SRGAP3: variants seen among roughly 807,000 people sequenced by gnomAD.
The protein encoded by SRGAP3 is SLIT-ROBO Rho GTPase-activating protein 3.
Under a neutral mutation model 121.1 loss-of-function variants are expected in SRGAP3, and 39 were observed. The observed-to-expected ratio is 0.32, with a 90% confidence interval of 0.25 to 0.42. The LOEUF is 0.42. Among genes scored for constraint, SRGAP3 ranks in the 10% least tolerant of loss-of-function variants. SRGAP3 has a pLI of 1.00. For missense variants in SRGAP3, 1,213 were observed against 1,470.6 expected, an observed-to-expected ratio of 0.82 and a Z score of 2.86; for synonymous variants, 601 against 570.0, an observed-to-expected ratio of 1.05 and a Z score of -0.77.
chr3:9,196,696 G>A (rs185444473), intron 1 of SRGAP3, among the ~76,000 whole-genome samples: 131 of 152,274 alleles, frequency 8.6e-4, no homozygotes, highest in African/African-American at 3.0e-3. Flanking sequence ...AGATGGATCA[G>A]TTTCAAGAAA....
At chr3:9,010,726 CACAGGCCAGAACAAAAAGA>C (rs1943326299) in intron 17 of SRGAP3, among the ~76,000 whole-genome samples, 1 of 152,182 alleles carries the variant, frequency 6.6e-6, no homozygotes, top group Non-Finnish European at 1.5e-5. Context: ...TCAGAAGGAC[CACAGGCCAGAACAAAAAGA>C]ACCCTTTGAA....
In SRGAP3 at chr3:9,160,520, C is replaced by T. The variant is rs181172567; in HGVS notation, c.68-35603G>A. 4.3e-4 allele frequency among the ~76,000 whole-genome samples: 66 copies of T among 152,328 alleles called. No individual in the cohort carries two copies. In the East Asian group the frequency reaches 7.9e-3, roughly 18 times the overall value. On this transcript the variant is annotated intron_variant, in intron 1 of 21. Transcript: ENST00000383836. Reference sequence around the variant, plus strand: ...GTAGTCGGCCACTGTGGAAGCTGATCCTCCAGTCCCAGTTAAGCCTTTAGC... The same window carrying T: ...GTAGTCGGCCACTGTGGAAGCTGATTCTCCAGTCCCAGTTAAGCCTTTAGC...
At chr3:9,279,395 G>A (rs1378963416) in intron 3 of SRGAP3, among the ~76,000 whole-genome samples, 1 of 152,100 alleles carries the variant, frequency 6.6e-6, no homozygotes, top group African/African-American at 2.4e-5. Flanking sequence ...GTGAACATGA[G>A]CCCTGTGTCT....
intron 3 of SRGAP3, among the ~76,000 whole-genome samples, chr3:9,097,127 A>G (rs1575069340): frequency 6.6e-6 from 1 of 151,332 alleles, no homozygotes; most frequent in Middle Eastern, 3.4e-3. Context: ...AGTAGCTTGG[A>G]CTACAGGCAT....
At chr3:9,129,005 C>T (rs1949342472) in intron 1 of SRGAP3, among the ~76,000 whole-genome samples, 1 of 152,208 alleles carries the variant, frequency 6.6e-6, no homozygotes, top group Admixed American at 6.5e-5. Flanking sequence ...CTGAGCTGCT[C>T]ACTTAAGATC....
chr3:9,066,296 G>A (rs1283488991), intron 4 of SRGAP3, among the ~76,000 whole-genome samples: 1 of 152,106 alleles, frequency 6.6e-6, no homozygotes, highest in African/African-American at 2.4e-5. Context: ...CATGGCTCCT[G>A]GGCCTTGTTC....
At chr3:8,995,984 C>T (rs187648272) in intron 18 of SRGAP3, among the ~76,000 whole-genome samples, 5 of 152,290 alleles carry the variant, frequency 3.3e-5, no homozygotes, top group Admixed American at 2.6e-4. Context: ...TGGACAATCT[C>T]GTCTTCATCG....
chr3:9,269,885 G>C (rs1365990964), intron 3 of SRGAP3, among the ~76,000 whole-genome samples: 1 of 152,050 alleles, frequency 6.6e-6, no homozygotes, highest in Non-Finnish European at 1.5e-5. Context: ...GAAAGGGAGG[G>C]ACAGAGGGAG....
chr3:9,137,158 G>C (rs760322159), intron 1 of SRGAP3, among the ~76,000 whole-genome samples: 4 of 152,178 alleles, frequency 2.6e-5, no homozygotes, highest in Non-Finnish European at 4.4e-5. Context: ...TAAGAAATCT[G>C]TTGGCCCCAA....
intron 14 of SRGAP3, among the ~76,000 whole-genome samples, chr3:9,021,377 C>A (rs1338453873): frequency 2.6e-5 from 4 of 152,184 alleles, no homozygotes; most frequent in Non-Finnish European, 5.9e-5. Flanking sequence ...CAAGAGCAAA[C>A]CACAGCTCAG....
intron 10 of SRGAP3, among the ~76,000 whole-genome samples, chr3:9,046,050 G>A (rs59975940): frequency 0.058 from 8,817 of 151,966 alleles, 871 homozygotes; most frequent in African/African-American, 0.2. Context: ...CTGAAATGTC[G>A]GGATGGGTAA....
chr3:9,113,710 C>T (rs963932048), intron 2 of SRGAP3, among the ~76,000 whole-genome samples: 3 of 151,836 alleles, frequency 2.0e-5, no homozygotes. Context: ...GGGACGGTTC[C>T]CCCATGCTGT....
intron 2 of SRGAP3, among the ~76,000 whole-genome samples, chr3:9,110,107 G>A (rs566154655): frequency 1.3e-5 from 2 of 152,316 alleles, no homozygotes; most frequent in East Asian, 1.9e-4. Context: ...GGGGCCGGGA[G>A]AGAAACTGAG....
intron 3 of SRGAP3, among the ~76,000 whole-genome samples, chr3:9,083,808 C>G (rs1051611307): frequency 2.6e-5 from 4 of 152,110 alleles, no homozygotes; most frequent in African/African-American, 9.7e-5. Flanking sequence ...GCAGCTGGCT[C>G]CCTCACACGC....
chr3:9,296,805 G>T (rs569170632), intron 3 of SRGAP3, among the ~76,000 whole-genome samples: 2 of 152,216 alleles, frequency 1.3e-5, no homozygotes, highest in Admixed American at 1.3e-4. Flanking sequence ...ACACATCCCT[G>T]AAGTATTAGT....
intron 3 of SRGAP3, among the ~76,000 whole-genome samples, chr3:9,305,488 C>G (rs1403859331): frequency 1.3e-5 from 2 of 150,874 alleles, no homozygotes; most frequent in Non-Finnish European, 2.9e-5. Flanking sequence ...TATACATGTG[C>G]CATGTTGGTT....
intron 3 of SRGAP3, among the ~76,000 whole-genome samples, chr3:9,087,251 A>G (rs1947543207): frequency 6.6e-6 from 1 of 152,110 alleles, no homozygotes; most frequent in South Asian, 2.1e-4. Flanking sequence ...GAGCATGAAA[A>G]GAGATAACAC....
intron 1 of SRGAP3, among the ~76,000 whole-genome samples, chr3:9,352,374 A>G (rs1429015820): frequency 6.6e-6 from 1 of 151,252 alleles, no homozygotes; most frequent in Non-Finnish European, 1.5e-5. Flanking sequence ...CCCAGCTTCA[A>G]GTGATTCTCC....
chr3:9,334,084 A>G (rs896430991), intron 1 of SRGAP3, among the ~76,000 whole-genome samples: 5 of 152,134 alleles, frequency 3.3e-5, no homozygotes, highest in African/African-American at 1.2e-4. Flanking sequence ...TTAACATGAT[A>G]TTAACAATAA....
Sources: allele counts gnomAD v4.1 joint callset (sites outside exome capture counted in the v4.1 genomes callset), GRCh38; gene constraint gnomAD v4.1.1; transcripts MANE v1.5; gene names NCBI Gene and HGNC (gene_info 2026-07-23, HGNC 2026-07-21).